DCAF5: variants seen among roughly 807,000 people sequenced by gnomAD.
DCAF5 encodes the protein DDB1 and CUL4 associated factor 5, also known as DDB1- and CUL4-associated factor 5.
A neutral mutation model predicts 80.7 loss-of-function variants in DCAF5; 9 were observed. That is an observed-to-expected ratio of 0.11 (90% CI 0.07 to 0.19). The LOEUF is 0.19. DCAF5 is among the 10% of genes least tolerant of loss of function. DCAF5 has a pLI of 1.00. For synonymous variants in DCAF5, 433 were observed against 461.9 expected, an observed-to-expected ratio of 0.94 and a Z score of 0.80; for missense variants, 842 against 1,205.7, an observed-to-expected ratio of 0.70 and a Z score of 4.47.
At chr14:69,066,002 A>G (rs1297682300) in intron 7 of DCAF5, among the ~76,000 whole-genome samples, 1 of 152,206 alleles carries the variant, frequency 6.6e-6, no homozygotes, top group Non-Finnish European at 1.5e-5. Context: ...ATGGGTACCC[A>G]TAAATAAAAT....
intron 1 of DCAF5, among the ~76,000 whole-genome samples, chr14:69,147,545 T>C (rs942426830): frequency 6.6e-6 from 1 of 152,180 alleles, no homozygotes; most frequent in East Asian, 1.9e-4. Flanking sequence ...AGCAGCTGGG[T>C]TGGTGTTCAC....
chr14:69,126,573 T>C (rs1595044384), intron 1 of DCAF5, among the ~76,000 whole-genome samples: 2 of 152,194 alleles, frequency 1.3e-5, no homozygotes, highest in East Asian at 3.8e-4. Flanking sequence ...GATTCTAATA[T>C]TTATAGGAGA....
chr14:69,124,459 G>A (rs930268804), intron 1 of DCAF5, among the ~76,000 whole-genome samples: 1 of 152,096 alleles, frequency 6.6e-6, no homozygotes, highest in Non-Finnish European at 1.5e-5. Context: ...CCTGCTCCTA[G>A]AAAGAAATTG....
Position 69,086,973 on chromosome 14 carries a change from C to A in DCAF5, c.879+4701G>T, listed in dbSNP as rs1313983217. 4.6e-5 allele frequency among the ~76,000 whole-genome samples: 7 copies of A among 152,194 alleles called. No individual in the cohort carries two copies. The East Asian group carries it at 1.3e-3, about 29-fold the overall frequency. On this transcript the variant is annotated intron_variant, in intron 6 of 8. Coordinates refer to ENST00000341516, the MANE Select transcript of DCAF5 (RefSeq NM_003861.3). ...TTATACTTTCTCCTTTTGTGTACATCCTACTTTCAGCAAGATGTAGGGACT... is the reference window on the plus strand; with the variant it reads ...TTATACTTTCTCCTTTTGTGTACATACTACTTTCAGCAAGATGTAGGGACT...
chr14:69,153,173 C>T, upstream of DCAF5: 1 of 428,818 alleles, frequency 2.3e-6, no homozygotes, highest in South Asian at 6.0e-5. Flanking sequence ...CTCTCCTTCC[C>T]CCCGAGGCTC....
chr14:69,077,532 C>T (rs2139909932), intron 6 of DCAF5, among the ~76,000 whole-genome samples: 1 of 152,130 alleles, frequency 6.6e-6, no homozygotes, highest in Middle Eastern at 3.4e-3. Flanking sequence ...TACAGGCAGG[C>T]ACCACCACAC....
At chr14:69,084,392 T>C (rs1229798705) in intron 6 of DCAF5, 4 of 909,754 alleles carry the variant, frequency 4.4e-6, no homozygotes, top group Middle Eastern at 3.3e-4. Flanking sequence ...TGATCGTATC[T>C]TGGATGTTGA....
intron 1 of DCAF5, among the ~76,000 whole-genome samples, chr14:69,126,523 C>G (rs8016668): frequency 0.011 from 1,626 of 152,272 alleles, 32 homozygotes; most frequent in African/African-American, 0.037. Context: ...CAATCCCACT[C>G]AAATTCTCAG....
At chr14:69,151,158 T>C (rs953156266) in intron 1 of DCAF5, among the ~76,000 whole-genome samples, 1 of 152,300 alleles carries the variant, frequency 6.6e-6, no homozygotes, top group African/African-American at 2.4e-5. Flanking sequence ...ATTTATTTGA[T>C]AAAATTTTAT....
chr14:69,109,201 G>A (rs559776943), intron 5 of DCAF5, among the ~76,000 whole-genome samples: 2 of 152,006 alleles, frequency 1.3e-5, no homozygotes, highest in African/African-American at 2.4e-5. Context: ...GAAATTAGCC[G>A]GGCGTGGTGG....
In DCAF5 at chr14:69,051,964, T is replaced by G. The variant is rs1442920040; in HGVS notation, c.*1893A>C. On this transcript the variant is annotated 3_prime_UTR_variant, in exon 9 of 9. Coordinates refer to ENST00000341516, the MANE Select transcript of DCAF5 (RefSeq NM_003861.3). Reference sequence around the variant, plus strand: ...ACCAGCATTTACAATTATCTGTGAATAGTCAAAGACAAATCATAGAACCAA... The same window carrying G: ...ACCAGCATTTACAATTATCTGTGAAGAGTCAAAGACAAATCATAGAACCAA... 1 of 152,602 alleles carries G rather than the reference T, an allele frequency of 6.6e-6. No homozygotes were observed. Among genetic ancestry groups the G allele is most frequent in the Admixed American group, 6.5e-5 (1 of 15,286 alleles). 9.5% of individuals were successfully genotyped at this position (152,602 alleles called of 1,614,324 possible).
rs1483958851 is a variant in DCAF5, at chr14:69,053,963, T to C, written c.2723A>G (p.Asp908Gly). ...REDPTDTPATDSSRAVHGHSG... is the reference protein window; with the variant it reads ...REDPTDTPATGSSRAVHGHSG... The stretch of plus-strand genomic sequence containing the variant: ...GTGGCCATGAACAGCCCTGCTACTA[T>C]CTGTGGCTGGGGTGTCAGTGGGGTC... The change falls in exon 9 of 9, where the codon GAT becomes GGT. Residue 908 changes from aspartate (D) to glycine (G), a missense_variant. By Grantham distance (94) the Asp-to-Gly change is moderately conservative. Transcript: ENST00000341516. The C allele has an allele frequency of 6.2e-7, 1 of 1,613,100 alleles. No individual in the cohort carries two copies. Among genetic ancestry groups the C allele is most frequent in the East Asian group, 2.2e-5 (1 of 44,888 alleles).
intron 1 of DCAF5, among the ~76,000 whole-genome samples, chr14:69,137,336 A>C (rs2041226497): frequency 6.6e-6 from 1 of 152,134 alleles, no homozygotes; most frequent in Non-Finnish European, 1.5e-5. Context: ...AATTTTCTTC[A>C]TCTCCAGCCT....
chr14:69,085,896 A>G (rs1196771047), intron 6 of DCAF5, among the ~76,000 whole-genome samples: 1 of 152,218 alleles, frequency 6.6e-6, no homozygotes, highest in Non-Finnish European at 1.5e-5. Flanking sequence ...TCTATAACAC[A>G]GTGGGCAGCA....
At chr14:69,122,052 T>C (rs557007694) in intron 2 of DCAF5, among the ~76,000 whole-genome samples, 165 bp downstream of exon 2, 5 of 152,176 alleles carry the variant, frequency 3.3e-5, no homozygotes, top group South Asian at 2.1e-4. Flanking sequence ...ACACACACTA[T>C]CCTAATATAT....
chr14:69,075,333 G>C lies in DCAF5; in HGVS notation c.946+12C>G. 6.2e-7 allele frequency: 1 copy of C among 1,602,756 alleles called. No homozygotes were observed. Among genetic ancestry groups the C allele is most frequent in the Non-Finnish European group, 8.5e-7 (1 of 1,172,294 alleles). ...AGCAATAGCAGTACATTCATGTGAA[G>C]GATATACTTGCCTGCTTCTGGATCT... On this transcript the variant is annotated intron_variant, in intron 7 of 8. Transcript: ENST00000341516.
chr14:69,054,797 G>A lies in DCAF5; in HGVS notation c.1889C>T (p.Thr630Ile). ...GGAAGTGCTCCGCTCAGGGGACGAGGTTGGGGAGGAGGAGAGGTCATCCAC... is the reference window on the plus strand; with the variant it reads ...GGAAGTGCTCCGCTCAGGGGACGAGATTGGGGAGGAGGAGAGGTCATCCAC... ...IKVDDLSSSP[T>I]SSPERSTSTL... The change falls in exon 9 of 9, where the codon ACC becomes ATC. Residue 630 changes from threonine to isoleucine, a missense_variant. Around this residue, in one of 5 missense-constraint regions of DCAF5, gnomAD observed 607 missense variants for 656.6 expected, o/e 0.92. Coordinates refer to ENST00000341516, the MANE Select transcript of DCAF5 (RefSeq NM_003861.3). 1 of 1,614,268 alleles carries A rather than the reference G, an allele frequency of 6.2e-7. No individual in the cohort carries two copies. The highest frequency in any genetic ancestry group is 8.5e-7 in the Non-Finnish European group (1 of 1,180,048).
intron 7 of DCAF5, among the ~76,000 whole-genome samples, chr14:69,067,783 C>T (rs1373331142): frequency 2.0e-5 from 3 of 151,660 alleles, no homozygotes; most frequent in East Asian, 1.9e-4. Context: ...ACTACTGGCA[C>T]GCACCACCAA....
chr14:69,090,953 T>C lies in DCAF5; in HGVS notation c.879+721A>G, dbSNP rs974215719. On this transcript the variant is annotated intron_variant, in intron 6 of 8. Transcript: ENST00000341516. Reference sequence around the variant, plus strand: ...CCTTAGATTTGTCTTTCTTCCCATTTGTCTTTCCTCGGCTTGGTGACCCAG... The same window carrying C: ...CCTTAGATTTGTCTTTCTTCCCATTCGTCTTTCCTCGGCTTGGTGACCCAG... The C allele has an allele frequency of 1.6e-5, 10 of 625,842 alleles. No homozygotes were observed. The African/African-American group carries it at 1.8e-4, about 11-fold the overall frequency. The allele number at this position is 625,842 out of a possible 1,614,324, so 38.8% of individuals were successfully genotyped here.
Sources: gnomAD v4.1 joint callset for allele counts (sites outside exome capture counted in the v4.1 genomes callset) on GRCh38, gnomAD v4.1.1 for gene constraint, gnomAD v4.1.1 regional missense constraint, MANE v1.5 for transcripts, NCBI Gene and HGNC (gene_info 2026-07-23, HGNC 2026-07-21) for gene names.